NRG1: variants seen among roughly 807,000 people sequenced by gnomAD.
NRG1 encodes neuregulin 1.
In NRG1, 18 loss-of-function variants were observed where a neutral mutation model predicts 63.8. That is an observed-to-expected ratio of 0.28 (90% CI 0.19 to 0.42). NRG1 has a LOEUF of 0.42. Among genes scored for constraint, NRG1 ranks in the 10% least tolerant of loss-of-function variants. The probability of loss-of-function intolerance (pLI) is 1.00; values close to 1 mark genes in which losing one functional copy is unlikely to be tolerated. For missense variants in NRG1, 762 were observed against 814.7 expected (o/e 0.94, Z 0.79); for synonymous variants, 302 against 301.3 (o/e 1.00, Z -0.02).
At chr8:32,647,522 T>C (rs1853878460) in intron 5 of NRG1, 1 of 985,244 alleles carries the variant, frequency 1.0e-6, no homozygotes, top group Non-Finnish European at 1.2e-6. Context: ...TATTACGATA[T>C]ACTTTGATTT....
chr8:31,640,666 C>T lies in NRG1; in HGVS notation c.37+1235C>T, dbSNP rs914143491. 3.1e-6 allele frequency: 5 copies of T among 1,608,160 alleles called. No homozygotes were observed. The African/African-American group carries it at 4.0e-5, about 13-fold the overall frequency. On this transcript the variant is annotated intron_variant, in intron 1 of 10. Transcript: ENST00000519301. The surrounding 1 kb of genome is among the most constrained non-coding windows in gnomAD (Gnocchi z 6.3). ...GCCGGCCGCCTTCCGAGCCTCTTTCCCCCCTCTGGAGACGGGCCGGAACCT... is the reference window on the plus strand; with the variant it reads ...GCCGGCCGCCTTCCGAGCCTCTTTCTCCCCTCTGGAGACGGGCCGGAACCT...
At chr8:32,170,992 G>C (rs1158961511) in intron 1 of NRG1, among the ~76,000 whole-genome samples, 2 of 152,116 alleles carry the variant, frequency 1.3e-5, no homozygotes, top group African/African-American at 2.4e-5. Flanking sequence ...TGCACACTTT[G>C]ACCCCATCTA....
At chr8:31,879,792 A>G (rs1414139460) in intron 1 of NRG1, among the ~76,000 whole-genome samples, 3 of 152,082 alleles carry the variant, frequency 2.0e-5, no homozygotes, top group Non-Finnish European at 4.4e-5. Context: ...TCCCTCTTAT[A>G]AGTAAGAACA....
chr8:32,143,694 G>A (rs1836545201), intron 1 of NRG1, among the ~76,000 whole-genome samples: 2 of 152,200 alleles, frequency 1.3e-5, no homozygotes, highest in Admixed American at 1.3e-4. Flanking sequence ...CCTACCTAAA[G>A]TTTACACTCC....
intron 1 of NRG1, among the ~76,000 whole-genome samples, chr8:32,290,545 C>G (rs1256776434): frequency 1.3e-5 from 2 of 152,030 alleles, no homozygotes; most frequent in Admixed American, 1.3e-4. Flanking sequence ...AGGACCTCCT[C>G]TCCTGAATGA....
Position 31,739,068 on chromosome 8 carries a change from A to G in NRG1, c.37+99637A>G, listed in dbSNP as rs116901782. On this transcript the variant is annotated intron_variant, in intron 1 of 10. Transcript: ENST00000519301. ...CGTATGTGTATGTGTTTGTAAGTGCACACGTAAGATGCACCAACATAGATG... is the reference window on the plus strand; with the variant it reads ...CGTATGTGTATGTGTTTGTAAGTGCGCACGTAAGATGCACCAACATAGATG... Among the ~76,000 whole-genome samples the G allele has an allele frequency of 3.8e-3, 586 of 152,234 alleles. 1 individual carries two copies. Among genetic ancestry groups the G allele is most frequent in the South Asian group, 0.019 (91 of 4,832 alleles).
chr8:31,652,989 CCTCTCCTCTCCTCT>C (rs1265593157), intron 1 of NRG1, among the ~76,000 whole-genome samples: 42 of 86,850 alleles, frequency 4.8e-4, no homozygotes, highest in African/African-American at 1.6e-3. Flanking sequence ...CCTCTCCTCT[CCTCTCCTCTCCTCT>C]CCTCCCCTCC....
intron 1 of NRG1, among the ~76,000 whole-genome samples, chr8:31,678,519 C>T (rs1807965817): frequency 6.6e-6 from 1 of 151,656 alleles, no homozygotes; most frequent in Non-Finnish European, 1.5e-5. Flanking sequence ...TCCTCTTTAC[C>T]TATTTGTTTC....
intron 1 of NRG1, among the ~76,000 whole-genome samples, chr8:32,414,980 G>A (rs1349112809): frequency 1.3e-5 from 2 of 152,088 alleles, no homozygotes; most frequent in African/African-American, 4.8e-5. Flanking sequence ...TTAGGGAGAT[G>A]ATACCTAAAC....
intron 1 of NRG1, among the ~76,000 whole-genome samples, chr8:32,089,175 C>G (rs1328927010): frequency 6.6e-6 from 1 of 152,204 alleles, no homozygotes; most frequent in Non-Finnish European, 1.5e-5. Context: ...ACGCAGCGCA[C>G]TCTGCCATGG....
intron 5 of NRG1, among the ~76,000 whole-genome samples, chr8:32,639,384 C>T (rs1039695159): frequency 2.6e-5 from 4 of 151,850 alleles, no homozygotes; most frequent in African/African-American, 9.7e-5. Flanking sequence ...CCAGCCTAAG[C>T]GACAGAGCAA....
intron 1 of NRG1, among the ~76,000 whole-genome samples, chr8:32,386,010 TTATTTATTTTTACC>T (rs1810972128): frequency 1.3e-5 from 2 of 152,182 alleles, no homozygotes; most frequent in South Asian, 4.1e-4. Context: ...TTACTTTTGT[TTATTTATTTTTACC>T]TAGTACCCAG....
At chr8:31,857,812 G>A (rs1292458064) in intron 1 of NRG1, among the ~76,000 whole-genome samples, 1 of 152,094 alleles carries the variant, frequency 6.6e-6, no homozygotes, top group Non-Finnish European at 1.5e-5. Flanking sequence ...TTCAAAATGG[G>A]TCATAAAGCA....
chr8:32,621,957 A>C (rs1848414758), intron 5 of NRG1, among the ~76,000 whole-genome samples: 1 of 152,222 alleles, frequency 6.6e-6, no homozygotes, highest in Non-Finnish European at 1.5e-5. Context: ...TTTGGCACCA[A>C]GTTTATTGGG....
At chr8:31,986,283 G>C (rs1428466577) in intron 1 of NRG1, among the ~76,000 whole-genome samples, 5 of 152,166 alleles carry the variant, frequency 3.3e-5, no homozygotes, top group Admixed American at 3.3e-4. Flanking sequence ...AGTGCAAAAG[G>C]CAGGCAGACA....
intron 1 of NRG1, among the ~76,000 whole-genome samples, chr8:31,961,645 C>A (rs1805468857): frequency 6.6e-6 from 1 of 152,050 alleles, no homozygotes; most frequent in East Asian, 1.9e-4. Flanking sequence ...ATAAAAGGGT[C>A]CTGTAAAATT....
chr8:31,870,776 C>A (rs1474400785), intron 1 of NRG1, among the ~76,000 whole-genome samples: 1 of 151,766 alleles, frequency 6.6e-6, no homozygotes, highest in Non-Finnish European at 1.5e-5. Context: ...GTTGAAAAAC[C>A]TTGTTGTAGG....
At chr8:31,655,059 A>G (rs1048296695) in intron 1 of NRG1, among the ~76,000 whole-genome samples, 2 of 152,208 alleles carry the variant, frequency 1.3e-5, no homozygotes, top group Non-Finnish European at 2.9e-5. Flanking sequence ...AAATTATTAT[A>G]GTTGCCATTC....
At chr8:32,700,866 C>T (rs1416175203) in intron 5 of NRG1, among the ~76,000 whole-genome samples, 1 of 152,102 alleles carries the variant, frequency 6.6e-6, no homozygotes, top group Admixed American at 6.5e-5. Flanking sequence ...TCCCCTTTCC[C>T]ATCCTCTTCC....
Sources: gnomAD v4.1 joint callset for allele counts (sites outside exome capture counted in the v4.1 genomes callset) on GRCh38, gnomAD v4.1.1 for gene constraint, Gnocchi (gnomAD v3.1) non-coding constraint, MANE v1.5 for transcripts, NCBI Gene and HGNC (gene_info 2026-07-23, HGNC 2026-07-21) for gene names.